Variants in ZMYM5 observed in about 807,000 individuals in gnomAD.
ZMYM5 encodes zinc finger MYM-type protein 5.
Under a neutral mutation model 61.8 loss-of-function variants are expected in ZMYM5, and 41 were observed. The observed-to-expected ratio is 0.66, with a 90% CI of 0.52 to 0.86. The LOEUF is 0.86. Ranked by LOEUF, ZMYM5 falls within the 40% of genes least tolerant of loss-of-function variation. The pLI, the probability that ZMYM5 is intolerant of heterozygous loss-of-function variation, is 0.00. For missense variants in ZMYM5, 706 were observed against 786.7 expected (o/e 0.90, Z 1.23); for synonymous variants, 257 against 276.4 (o/e 0.93, Z 0.70).
intron 7 of ZMYM5, among the ~76,000 whole-genome samples, 191 bp downstream of exon 7, chr13:19,835,286 C>T (rs1245245896): frequency 1.3e-5 from 2 of 152,124 alleles, no homozygotes; most frequent in Non-Finnish European, 2.9e-5. Context: ...TGAGTCACTG[C>T]ACCCAGCCCA....
Position 19,852,186 on chromosome 13 carries a change from T to C in ZMYM5, c.-6A>G, listed in dbSNP as rs771695981. On this transcript the variant is annotated 5_prime_UTR_variant, in exon 3 of 8. Coordinates refer to ENST00000337963, the MANE Select transcript of ZMYM5 (RefSeq NM_001142684.2). Reference sequence around the variant, plus strand: ...CCCACTGAACATTTTTCCATGCCAATGAACCTGTAGAGACAGAAAAGAAAA... The same window carrying C: ...CCCACTGAACATTTTTCCATGCCAACGAACCTGTAGAGACAGAAAAGAAAA... 6.3e-7 allele frequency: 1 copy of C among 1,585,578 alleles called. No individual in the cohort carries two copies. The highest frequency in any genetic ancestry group is 1.8e-5 in the Admixed American group (1 of 54,130).
At chr13:19,863,388 T>C (rs985401379) in intron 1 of ZMYM5, 62 bp downstream of exon 1, 18 of 151,948 alleles carry the variant, frequency 1.2e-4, no homozygotes, top group African/African-American at 4.4e-4. Flanking sequence ...CGCGGGGTAT[T>C]AATCCCGGGT....
At chr13:19,856,951 A>C (rs1480421701) in intron 2 of ZMYM5, among the ~76,000 whole-genome samples, 1 of 151,786 alleles carries the variant, frequency 6.6e-6, no homozygotes, top group Admixed American at 6.6e-5. Flanking sequence ...CTAAAAATAC[A>C]AAAAATTAGC....
chr13:19,850,372 G>A (rs554182653), intron 4 of ZMYM5, among the ~76,000 whole-genome samples: 1 of 152,268 alleles, frequency 6.6e-6, no homozygotes, highest in South Asian at 2.1e-4. Context: ...GGCTGAGGTG[G>A]GCAGATCACC....
chr13:19,826,753 T>C (rs1890936735), intron 7 of ZMYM5, among the ~76,000 whole-genome samples: 2 of 141,758 alleles, frequency 1.4e-5, no homozygotes, highest in Non-Finnish European at 1.5e-5. Context: ...AGACTCCGTC[T>C]CGTTAAAAAA....
At position 19,856,878 on chromosome 13, in the gene ZMYM5, G is replaced by A. The variant is rs181146085; in HGVS notation, c.-10-4688C>T. 8.0e-3 allele frequency among the ~76,000 whole-genome samples: 1,220 copies of A among 152,130 alleles called. 10 individuals are homozygous for A. The highest frequency in any genetic ancestry group is 0.034 in the Middle Eastern group (10 of 292). Reference sequence around the variant, plus strand: ...TCCCAGCACTTTGGGAGGCAGAGGCGGGCAGATCATGAGGTCAGGAGATCG... The same window carrying A: ...TCCCAGCACTTTGGGAGGCAGAGGCAGGCAGATCATGAGGTCAGGAGATCG... On this transcript the variant is annotated intron_variant, in intron 2 of 7. Transcript: ENST00000337963.
At chr13:19,831,753 C>T (rs1593850128) in intron 7 of ZMYM5, among the ~76,000 whole-genome samples, 2 of 111,198 alleles carry the variant, frequency 1.8e-5, no homozygotes, top group East Asian at 3.2e-4. Context: ...GAGCTGAGAT[C>T]GTCCAGCCTG....
chr13:19,862,961 A>C (rs1390461279), intron 1 of ZMYM5, among the ~76,000 whole-genome samples: 1 of 152,184 alleles, frequency 6.6e-6, no homozygotes, highest in Non-Finnish European at 1.5e-5. Flanking sequence ...AAAGAGTAAA[A>C]GCCGCGCAGC....
intron 2 of ZMYM5, among the ~76,000 whole-genome samples, chr13:19,859,049 T>C (rs754246022): frequency 1.3e-5 from 2 of 151,998 alleles, no homozygotes; most frequent in East Asian, 3.9e-4. Context: ...TCTCCATTGC[T>C]TGAACCCAGG....
rs1255423174 is a variant in ZMYM5, at chr13:19,825,230, C to T, written c.1257G>A (p.Met419Ile). The T allele has an allele frequency of 6.4e-6, 8 of 1,258,358 alleles. No homozygotes were observed. The highest frequency in any genetic ancestry group is 8.2e-6 in the Non-Finnish European group (8 of 975,364). 77.9% of individuals were successfully genotyped at this position (1,258,358 alleles called of 1,614,324 possible). The change falls in exon 8 of 8, where the codon ATG (methionine) becomes ATA (isoleucine). Residue 419 changes from methionine (M) to isoleucine (I), a missense_variant. Met to Ile is a conservative substitution (Grantham distance 10). Transcript: ENST00000337963. ...CTGTTAATTTTTTTGATTTTGTTTC[C>T]ATCATCTGAGGACAAAGAGGATTAT... ...QSCINEYKQM[M>I]ETKSKKLTAS... is the part of the protein sequence containing the mutation.
intron 7 of ZMYM5, among the ~76,000 whole-genome samples, chr13:19,825,640 C>T (rs1305337748): frequency 6.7e-6 from 1 of 150,136 alleles, no homozygotes; most frequent in Admixed American, 6.7e-5. Flanking sequence ...GAGTGAGACC[C>T]TGTCCCAAAA....
rs189690771 is a variant in ZMYM5, at chr13:19,846,723, A to G, written c.586+4632T>C. Reference sequence around the variant, plus strand: ...TTCAAAATCAATAGATTTTAAACTAATAGACCAGTCTGTACCAAATACAGT... The same window carrying G: ...TTCAAAATCAATAGATTTTAAACTAGTAGACCAGTCTGTACCAAATACAGT... On this transcript the variant is annotated intron_variant, in intron 4 of 7. Transcript: ENST00000337963. Among the ~76,000 whole-genome samples the G allele has an allele frequency of 2.1e-3, 321 of 152,114 alleles. 1 individual carries two copies. The highest frequency in any genetic ancestry group is 5.8e-3 in the African/African-American group (239 of 41,466).
rs377061174 is a variant in ZMYM5, at chr13:19,840,838, C to T, written c.587-1853G>A. 3.1e-4 allele frequency among the ~76,000 whole-genome samples: 47 copies of T among 152,126 alleles called. 1 individual carries two copies. In the South Asian group the frequency reaches 7.5e-3, roughly 24 times the overall value. On this transcript the variant is annotated intron_variant, in intron 4 of 7. Coordinates refer to ENST00000337963, the MANE Select transcript of ZMYM5 (RefSeq NM_001142684.2). ...GACTACAAGCACCCGCCACCATGCC[C>T]GGCTAATTTTTTGTATTTTTAGTAG...
At chr13:19,850,692 T>A (rs1321629010) in intron 4 of ZMYM5, among the ~76,000 whole-genome samples, 8 of 152,134 alleles carry the variant, frequency 5.3e-5, no homozygotes, top group Middle Eastern at 3.2e-3. Context: ...AAATTTTAAA[T>A]AATTATAAAT....
At chr13:19,830,839 C>CTTT (rs1160103759) in intron 7 of ZMYM5, among the ~76,000 whole-genome samples, 2 of 129,578 alleles carry the variant, frequency 1.5e-5, no homozygotes, top group African/African-American at 2.9e-5. Context: ...GTTACTTTTT[C>CTTT]TTTTTTTTTT....
intron 7 of ZMYM5, among the ~76,000 whole-genome samples, chr13:19,825,546 C>G (rs1890870833): frequency 6.6e-6 from 1 of 151,900 alleles, no homozygotes; most frequent in Non-Finnish European, 1.5e-5. Flanking sequence ...CCTCTGGAGG[C>G]TGAGGCAGGA....
At chr13:19,841,137 G>T (rs1952863854) in intron 4 of ZMYM5, among the ~76,000 whole-genome samples, 1 of 151,334 alleles carries the variant, frequency 6.6e-6, no homozygotes, top group Admixed American at 6.6e-5. Flanking sequence ...GCTAATTTTT[G>T]TATTTTTAGT....
chr13:19,835,691 TAA>T lies in ZMYM5; in HGVS notation c.1039-4_1039-3del, dbSNP rs1294786283. 7.3e-7 allele frequency: 1 copy of T among 1,366,552 alleles called. No homozygotes were observed. The highest frequency in any genetic ancestry group is 9.8e-7 in the Non-Finnish European group (1 of 1,021,416). The allele number at this position is 1,366,552 out of a possible 1,614,324, so 84.7% of individuals were successfully genotyped here. On this transcript the variant is annotated splice_region_variant and splice_polypyrimidine_tract_variant and intron_variant, in intron 6 of 7. Coordinates refer to ENST00000337963, the MANE Select transcript of ZMYM5 (RefSeq NM_001142684.2). Reference sequence around the variant, plus strand: ...ATTTACGCTGACTTCATGGCGAATCTAAAAGAAAAACCAGAATTCATTAACTA... The same window carrying T: ...ATTTACGCTGACTTCATGGCGAATCTAAGAAAAACCAGAATTCATTAACTA...
chr13:19,841,272 T>C lies in ZMYM5; in HGVS notation c.587-2287A>G, dbSNP rs562393415. 2.0e-5 allele frequency among the ~76,000 whole-genome samples: 3 copies of C among 152,278 alleles called. No individual in the cohort carries two copies. The South Asian group carries it at 6.2e-4, about 32-fold the overall frequency. On this transcript the variant is annotated intron_variant, in intron 4 of 7. Coordinates refer to ENST00000337963, the MANE Select transcript of ZMYM5 (RefSeq NM_001142684.2). ...CCACTGGGCCTGACCTATTTTTATA[T>C]GAAAAATTACAACAATCTGTGAGGC...
Sources: gnomAD v4.1 joint callset for allele counts (sites outside exome capture counted in the v4.1 genomes callset) on GRCh38, gnomAD v4.1.1 for gene constraint, MANE v1.5 for transcripts, NCBI Gene and HGNC (gene_info 2026-07-23, HGNC 2026-07-21) for gene names.